The following KRT27 variants were observed in gnomAD, a reference collection of about 807,000 sequenced individuals.
The protein encoded by KRT27 is keratin, type I cytoskeletal 27.
A neutral mutation model predicts 45.3 loss-of-function variants in KRT27; 30 were observed. The ratio of observed to expected loss-of-function variants is 0.66; its 90% CI spans 0.50 to 0.90. The LOEUF is 0.90. Among genes scored for constraint, KRT27 ranks in the 40% least tolerant of loss-of-function variants. KRT27 has a pLI of 0.00. For missense variants in KRT27, 610 were observed against 564.3 expected (o/e 1.08, Z -0.82); for synonymous variants, 204 against 223.9 (o/e 0.91, Z 0.79).
chr17:40,778,452 C>T (rs1279374154), intron 5 of KRT27, among the ~76,000 whole-genome samples: 1 of 152,142 alleles, frequency 6.6e-6, no homozygotes, highest in African/African-American at 2.4e-5. Flanking sequence ...AAAGTATAGA[C>T]TTGGGAGTTA....
At position 40,782,525 on chromosome 17, in the gene KRT27, G is replaced by A. The variant is rs370177233; in HGVS notation, c.-32C>T. 192 of 1,481,950 alleles carry A rather than the reference G, an allele frequency of 1.3e-4. No homozygotes were observed. Among genetic ancestry groups the A allele is most frequent in the Non-Finnish European group, 1.6e-4 (180 of 1,110,104 alleles). 91.8% of individuals were successfully genotyped at this position (1,481,950 alleles called of 1,614,324 possible). On this transcript the variant is annotated 5_prime_UTR_variant, in exon 1 of 8. Coordinates refer to ENST00000301656, the MANE Select transcript of KRT27 (RefSeq NM_181537.4). ...CGGAGGCTGGAGCCTTTGTTTCTGCGGTGATGCTCTGATGGTGAACGGCCT... is the reference window on the plus strand; with the variant it reads ...CGGAGGCTGGAGCCTTTGTTTCTGCAGTGATGCTCTGATGGTGAACGGCCT...
rs755675952 is a variant in KRT27 at position 40,782,160 on chromosome 17, A to G, written c.334T>C (p.Leu112=). 1 of 1,614,072 alleles carries G rather than the reference A, an allele frequency of 6.2e-7. No individual in the cohort carries two copies. Among genetic ancestry groups the G allele is most frequent in the Non-Finnish European group, 8.5e-7 (1 of 1,180,038 alleles). ...TACCACCCCTTGATCTTCTGCTCCA[A>G]GTCAGCGTTGGCCTCCTCTAGGGCT... ...VRALEEANAD[L]EQKIKGWYEK... The change falls in exon 1 of 8, where the codon TTG becomes CTG. Residue 112 remains leucine (L), a synonymous_variant. Transcript: ENST00000301656.
Position 40,780,302 on chromosome 17 carries a change from C to G in KRT27, c.682G>C (p.Glu228Gln), listed in dbSNP as rs757423351. ...ELAYLKKNHEEEMKALQCAAG... is the reference protein window; with the variant it reads ...ELAYLKKNHEQEMKALQCAAG... ...AGCCAGCCGGGTGGAGCTTCTACCT[C>G]CTCATGATTCTTCTTGAGGTAAGCG... Residue 228 changes from glutamate to glutamine, a missense_variant and splice_region_variant, in exon 3 of 8, where the codon GAG becomes CAG. Transcript: ENST00000301656. 2 of 1,607,342 alleles carry G rather than the reference C, an allele frequency of 1.2e-6. No individual in the cohort carries two copies. The highest frequency in any genetic ancestry group is 4.5e-5 in the East Asian group (2 of 44,808).
rs1415683270 is a variant in KRT27 at position 40,780,284 on chromosome 17, C to T, written c.684+16G>A. The T allele has an allele frequency of 2.5e-6, 4 of 1,581,870 alleles. No homozygotes were observed. The highest frequency in any genetic ancestry group is 1.1e-5 in the South Asian group (1 of 87,306). ...TAGGGAGGCGATTGTGAGAGCCAGC[C>T]GGGTGGAGCTTCTACCTCCTCATGA... is the stretch of plus-strand genomic sequence containing the variant. On this transcript the variant is annotated intron_variant, in intron 3 of 7. Transcript: ENST00000301656.
chr17:40,782,257 G>GAGGCCGTGCTCATTCCCTGTGA lies in KRT27; in HGVS notation c.215_236dup (p.Leu80HisfsTer4), dbSNP rs1460127997. On this transcript the variant is annotated stop_gained and frameshift_variant, in exon 1 of 8. Transcript: ENST00000301656. LOFTEE classifies it high-confidence loss of function. ...TGGTCACCTTCTCATTGCCAGAGAG[G>GAGGCCGTGCTCATTCCCTGTGA]AGGCCGTGCTCATTCCCTGTGAAGG... The GAGGCCGTGCTCATTCCCTGTGA allele has an allele frequency of 6.2e-7, 1 of 1,614,090 alleles. No individual in the cohort carries two copies. Among genetic ancestry groups the GAGGCCGTGCTCATTCCCTGTGA allele is most frequent in the East Asian group, 2.2e-5 (1 of 44,898 alleles).
At position 40,779,721 on chromosome 17, in the gene KRT27, C is replaced by T. The variant is rs373395779; in HGVS notation, c.825G>A (p.Ala275=). 7 of 1,613,796 alleles carry T rather than the reference C, an allele frequency of 4.3e-6. No individual in the cohort carries two copies. Among genetic ancestry groups the T allele is most frequent in the African/African-American group, 1.3e-5 (1 of 74,934 alleles). ...EALAEQNRRD[A]EAWFNEKSAS... ...TTACCTTTTCGTTGAACCAGGCCTC[C>T]GCGTCCCTGCGGTTCTGCTCTGCGA... The change falls in exon 4 of 8, where the codon GCG becomes GCA. Residue 275 remains alanine, a synonymous_variant. Coordinates refer to ENST00000301656, the MANE Select transcript of KRT27 (RefSeq NM_181537.4).
Position 40,779,489 on chromosome 17 carries a change from A to G in KRT27, c.972+13T>C. ...ATTTCTAAAGCAAATCTGTTTTGTA[A>G]CTTTTCGCTTACCGTTGCTAAGAGG... is the stretch of plus-strand genomic sequence containing the variant. On this transcript the variant is annotated intron_variant, in intron 5 of 7. Coordinates refer to ENST00000301656, the MANE Select transcript of KRT27 (RefSeq NM_181537.4). 6.3e-7 allele frequency: 1 copy of G among 1,589,820 alleles called. No individual in the cohort carries two copies. The highest frequency in any genetic ancestry group is 8.6e-7 in the Non-Finnish European group (1 of 1,168,808).
rs769872546 is a variant in KRT27 at position 40,782,191 on chromosome 17, A to G, written c.303T>C (p.Asn101=). 15 of 1,614,180 alleles carry G rather than the reference A, an allele frequency of 9.3e-6. No individual in the cohort carries two copies. The highest frequency in any genetic ancestry group is 8.5e-6 in the Non-Finnish European group (10 of 1,180,028). ...LNDRLASYLE[N]VRALEEANAD... is the part of the protein sequence containing the mutation. ...CGTTGGCCTCCTCTAGGGCTCGAAC[A>G]TTCTCCAGGTAGGAGGCCAAGCGGT... Residue 101 remains asparagine, a synonymous_variant, in exon 1 of 8, where the codon AAT becomes AAC. Transcript: ENST00000301656.
chr17:40,781,409 G>C (rs773886898), intron 1 of KRT27, 139 bp from the exon 2 acceptor site: 6 of 583,036 alleles, frequency 1.0e-5, no homozygotes, highest in Non-Finnish European at 1.8e-5. Flanking sequence ...TTTGAAGATG[G>C]GTAATTTAAG....
Position 40,777,828 on chromosome 17 carries a change from T to C in KRT27, c.973-96A>G, listed in dbSNP as rs540147263. The stretch of plus-strand genomic sequence containing the variant: ...GATAATTAAGAGAATTATCCTTACA[T>C]CATGCAAATAATTATATTTACCCAA... On this transcript the variant is annotated intron_variant, in intron 5 of 7. Coordinates refer to ENST00000301656, the MANE Select transcript of KRT27 (RefSeq NM_181537.4). 1.7e-4 allele frequency: 207 copies of C among 1,206,326 alleles called. 2 individuals carry two copies. The African/African-American group carries it at 2.8e-3, about 16-fold the overall frequency. 74.7% of individuals were successfully genotyped at this position (1,206,326 alleles called of 1,614,324 possible).
intron 2 of KRT27, among the ~76,000 whole-genome samples, chr17:40,780,765 C>G (rs889194142): frequency 6.6e-6 from 1 of 152,124 alleles, no homozygotes; most frequent in South Asian, 2.1e-4. Context: ...GGGAGAATGG[C>G]GTGAACCTAG....
In KRT27 at chr17:40,776,886, ACTTGT is replaced by A; in HGVS notation, c.*108_*112del. 1.1e-6 allele frequency: 1 copy of A among 946,944 alleles called. No homozygotes were observed. The highest frequency in any genetic ancestry group is 1.9e-5 in the South Asian group (1 of 52,918). The allele number at this position is 946,944 out of a possible 1,614,324, so 58.7% of individuals were successfully genotyped here. ...AAGAAATGGTACTATTCTAAAAATA[ACTTGT>A]CTTAATTCATTGGAAGAAAAGCAGA... On this transcript the variant is annotated 3_prime_UTR_variant, in exon 8 of 8. Transcript: ENST00000301656.
intron 4 of KRT27, 34 bp from the exon 5 acceptor site, chr17:40,779,661 GC>G: frequency 9.3e-6 from 15 of 1,613,570 alleles, no homozygotes; most frequent in Non-Finnish European, 1.3e-5. Flanking sequence ...GGGCGCTGGG[GC>G]TGAGTCCGCG....
chr17:40,779,833 C>A lies in KRT27; in HGVS notation c.713G>T (p.Gly238Val), dbSNP rs1368144882. 6.2e-7 allele frequency: 1 copy of A among 1,613,288 alleles called. No individual in the cohort carries two copies. The highest frequency in any genetic ancestry group is 1.3e-5 in the African/African-American group (1 of 74,878). ...EEMKALQCAA[G>V]GNVNVEMNAA... ...GTTCATCTCCACGTTCACGTTGCCT[C>A]CAGCCGCGCACTGAAGAGCTTTCAT... Residue 238 changes from glycine (G) to valine (V), a missense_variant, in exon 4 of 8, where the codon GGA becomes GTA. Transcript: ENST00000301656.
Position 40,777,694 on chromosome 17 carries a change from A to T in KRT27, c.1011T>A (p.Ser337Arg). ...SLECSLTETE[S>R]NYCAQLAQIQ... ...TCTGTGCCAGCTGTGCACAGTAGTT[A>T]CTCTCGGTCTCTGTCAAGGAGCACT... The change falls in exon 6 of 8, where the codon AGT becomes AGA. Residue 337 changes from serine (S) to arginine (R), a missense_variant. Coordinates refer to ENST00000301656, the MANE Select transcript of KRT27 (RefSeq NM_181537.4). 1.2e-6 allele frequency: 2 copies of T among 1,613,366 alleles called. No individual in the cohort carries two copies. The highest frequency in any genetic ancestry group is 1.7e-6 in the Non-Finnish European group (2 of 1,179,814).
chr17:40,778,062 C>G (rs1240139982), intron 5 of KRT27: 1 of 254,076 alleles, frequency 3.9e-6, no homozygotes. Flanking sequence ...CAATTTGCTA[C>G]TTTACCCACA....
In KRT27 at chr17:40,777,313, A is replaced by G. The variant is rs114164544; in HGVS notation, c.1191-11T>C. Reference sequence around the variant, plus strand: ...GATTTAGAACAGGAGCTGTAAAAGTATAGAGCGCTTATATTAATTATTCTG... The same window carrying G: ...GATTTAGAACAGGAGCTGTAAAAGTGTAGAGCGCTTATATTAATTATTCTG... On this transcript the variant is annotated splice_polypyrimidine_tract_variant and intron_variant, in intron 6 of 7. Transcript: ENST00000301656. The G allele has an allele frequency of 8.1e-4, 1,294 of 1,605,674 alleles. 15 individuals are homozygous for G. The African/African-American group carries it at 0.015, about 19-fold the overall frequency.
At chr17:40,781,865 A>G (rs2038314028) in intron 1 of KRT27, among the ~76,000 whole-genome samples, 185 bp downstream of exon 1, 1 of 151,668 alleles carries the variant, frequency 6.6e-6, no homozygotes, top group East Asian at 2.0e-4. Flanking sequence ...CTAATACTAC[A>G]TGATGGACGT....
At position 40,780,425 on chromosome 17, in the gene KRT27, C is replaced by T. The variant is rs116334559; in HGVS notation, c.559G>A (p.Val187Met). Residue 187 changes from valine to methionine, a missense_variant, in exon 3 of 8, where the codon GTG (valine) becomes ATG (methionine). By Grantham distance (21) the Val-to-Met change is conservative. Transcript: ENST00000301656. Reference protein sequence around the residue: ...FENELALHQSVEADINGLRRV... With the variant: ...FENELALHQSMEADINGLRRV... ...CGCAAACCATTGATGTCCGCCTCCA[C>T]GCTCTGGTGAAGCGCTAGCTCGTTT... The T allele has an allele frequency of 5.0e-6, 8 of 1,613,884 alleles. No individual in the cohort carries two copies. The highest frequency in any genetic ancestry group is 2.7e-5 in the African/African-American group (2 of 75,030).
Sources: allele counts gnomAD v4.1 joint callset (sites outside exome capture counted in the v4.1 genomes callset), GRCh38; gene constraint gnomAD v4.1.1; transcripts MANE v1.5; gene names NCBI Gene and HGNC (gene_info 2026-07-23, HGNC 2026-07-21).